Variants in MINK1 observed in about 807,000 individuals in gnomAD.
MINK1 encodes the protein misshapen-like kinase 1.
MINK1 carries 46 observed loss-of-function variants against 178.4 expected under a neutral mutation model. That is an observed-to-expected ratio of 0.26 (90% CI 0.20 to 0.33). The LOEUF (loss-of-function observed/expected upper bound fraction) is 0.33, where lower values mean the gene tolerates loss of function less well. Among genes scored for constraint, MINK1 ranks in the 10% least tolerant of loss-of-function variants. MINK1 has a pLI of 1.00. For synonymous variants in MINK1, 797 were observed against 709.7 expected (o/e 1.12, Z -1.96); for missense variants, 1,366 against 1,814.9 (o/e 0.75, Z 4.49).
At position 4,896,690 on chromosome 17, in the gene MINK1, C is replaced by T. The variant is rs1445575370; in HGVS notation, c.3792C>T (p.Asn1264=). 1.2e-6 allele frequency: 2 copies of T among 1,601,142 alleles called. No individual in the cohort carries two copies. The highest frequency in any genetic ancestry group is 1.3e-5 in the African/African-American group (1 of 74,740). ...TCCCCACAGCCTACATCTGCTCCAA[C>T]CAGATAATGGGCTGGGGTGAGAAAG... ...MPTSVAYICS[N]QIMGWGEKAI... The change falls in exon 31 of 32, where the codon AAC becomes AAT. Residue 1264 remains asparagine (N), a synonymous_variant. Transcript: ENST00000355280. The surrounding 1 kb of genome is among the most constrained non-coding windows in gnomAD (Gnocchi z 4.6).
chr17:4,839,811 T>C (rs1014868466), intron 1 of MINK1, among the ~76,000 whole-genome samples: 5 of 152,114 alleles, frequency 3.3e-5, no homozygotes, highest in African/African-American at 1.2e-4. Context: ...CAGCCTGAGG[T>C]TGTACGTGCT....
intron 1 of MINK1, chr17:4,860,714 T>C: frequency 1.9e-6 from 1 of 519,976 alleles, no homozygotes; most frequent in South Asian, 1.4e-5. Flanking sequence ...AAGCAAGGGC[T>C]CAAGGCTGGT....
chr17:4,891,275 T>C (rs1002825410), intron 15 of MINK1, among the ~76,000 whole-genome samples, 151 bp downstream of exon 15: 6 of 151,970 alleles, frequency 3.9e-5, no homozygotes, highest in Non-Finnish European at 8.8e-5. Flanking sequence ...GTGGACAGAC[T>C]CACTCACCTG....
chr17:4,862,688 A>T (rs1406246597), intron 1 of MINK1, among the ~76,000 whole-genome samples: 1 of 151,756 alleles, frequency 6.6e-6, no homozygotes, highest in Non-Finnish European at 1.5e-5. Context: ...TGGTGTGTGT[A>T]AAACACTTAG....
intron 5 of MINK1, 116 bp from the exon 6 acceptor site, chr17:4,884,796 C>T: frequency 1.1e-6 from 1 of 891,344 alleles, no homozygotes; most frequent in Admixed American, 2.2e-5. Flanking sequence ...AAGGTCTGCT[C>T]CTTCAGCCCA....
intron 12 of MINK1, among the ~76,000 whole-genome samples, chr17:4,889,217 T>G (rs572743054): frequency 6.6e-6 from 1 of 152,294 alleles, no homozygotes; most frequent in Non-Finnish European, 1.5e-5. Flanking sequence ...CAGGTCCCTC[T>G]TTTCTGTGCT....
chr17:4,833,603 C>T lies in MINK1; in HGVS notation c.20C>T (p.Ala7Val), dbSNP rs1204453989. 3.3e-6 allele frequency: 5 copies of T among 1,501,022 alleles called. No individual in the cohort carries two copies. The highest frequency in any genetic ancestry group is 1.5e-5 in the African/African-American group (1 of 68,938). The allele number at this position is 1,501,022 out of a possible 1,614,324, so 93.0% of individuals were successfully genotyped here. A position where few individuals can be genotyped will look rare whatever the true frequency, so the allele number is the denominator to read the frequency against. The change falls in exon 1 of 32, where the codon GCC becomes GTC. Residue 7 changes from alanine (A) to valine (V), a missense_variant. By Grantham distance (64) the Ala-to-Val change is moderately conservative. Transcript: ENST00000355280. This position sits in a 1 kb window ranked among gnomAD's most constrained non-coding sequence, Gnocchi z 4.8. ...GAGGCCATGGGCGACCCAGCCCCCG[C>T]CCGCAGCCTGGACGACATCGACCTG... MGDPAP[A>V]RSLDDIDLSA...
At chr17:4,893,314 G>C in intron 20 of MINK1, 120 bp from the exon 21 acceptor site, 3 of 1,613,950 alleles carry the variant, frequency 1.9e-6, no homozygotes, top group Non-Finnish European at 2.5e-6. Context: ...GGTGAGGTTA[G>C]TGAGATGGGC....
Position 4,887,572 on chromosome 17 carries a change from C to A in MINK1, c.1020-8C>A. 1 of 1,506,492 alleles carries A rather than the reference C, an allele frequency of 6.6e-7. No individual in the cohort carries two copies. Among genetic ancestry groups the A allele is most frequent in the South Asian group, 1.3e-5 (1 of 74,628 alleles). 93.3% of individuals were successfully genotyped at this position (1,506,492 alleles called of 1,614,324 possible). On this transcript the variant is annotated splice_polypyrimidine_tract_variant and splice_region_variant and intron_variant, in intron 11 of 31. Transcript: ENST00000355280. This position sits in a 1 kb window ranked among gnomAD's most constrained non-coding sequence, Gnocchi z 7.6. ...ACCCCAGTGCTTCTTTGTGCCACCC[C>A]TGCCCAGCTCCATCATGAACGTGCC...
chr17:4,833,664 C>A lies in MINK1; in HGVS notation c.57+24C>A. The stretch of plus-strand genomic sequence containing the variant: ...GGGTGAGCGCGCCGTCCCCCAGCCT[C>A]GCCCTGGTTCCTGTCCCCGCCGCAG... On this transcript the variant is annotated intron_variant, in intron 1 of 31. Coordinates refer to ENST00000355280, the MANE Select transcript of MINK1 (RefSeq NM_153827.5). This position sits in a 1 kb window ranked among gnomAD's most constrained non-coding sequence, Gnocchi z 4.8. 6.8e-7 allele frequency: 1 copy of A among 1,480,622 alleles called. No individual in the cohort carries two copies. The highest frequency in any genetic ancestry group is 8.9e-7 in the Non-Finnish European group (1 of 1,120,274). 91.7% of individuals were successfully genotyped at this position (1,480,622 alleles called of 1,614,324 possible).
Position 4,885,667 on chromosome 17 carries a change from G to A in MINK1, c.639+54G>A. On this transcript the variant is annotated intron_variant, in intron 7 of 31. Coordinates refer to ENST00000355280, the MANE Select transcript of MINK1 (RefSeq NM_153827.5). The surrounding 1 kb of genome is among the most constrained non-coding windows in gnomAD (Gnocchi z 5.0). ...GGCTGCCAAGGGCGGGAAGCAATAT[G>A]GGGACCACGGGGCCTGAGCAGGCTG... 6.2e-7 allele frequency: 1 copy of A among 1,606,282 alleles called. No individual in the cohort carries two copies. Among genetic ancestry groups the A allele is most frequent in the South Asian group, 1.1e-5 (1 of 90,408 alleles).
At chr17:4,893,634 C>T in intron 21 of MINK1, 37 bp downstream of exon 21, 1 of 1,505,700 alleles carries the variant, frequency 6.6e-7, no homozygotes. Flanking sequence ...CACTCCAAGG[C>T]ACAGGGAGGG....
chr17:4,856,027 T>C (rs971462218), intron 1 of MINK1, among the ~76,000 whole-genome samples: 1 of 151,318 alleles, frequency 6.6e-6, no homozygotes, highest in South Asian at 2.1e-4. Context: ...CAGTAGGAAA[T>C]TGATGAGGGT....
intron 1 of MINK1, among the ~76,000 whole-genome samples, chr17:4,859,767 G>A (rs909147117): frequency 2.9e-4 from 30 of 104,148 alleles, no homozygotes; most frequent in African/African-American, 1.1e-3. Flanking sequence ...CAGCCTGGGT[G>A]ACAAGAGCGA....
chr17:4,886,775 C>T lies in MINK1; in HGVS notation c.949+149C>T. On this transcript the variant is annotated intron_variant, in intron 10 of 31. Coordinates refer to ENST00000355280, the MANE Select transcript of MINK1 (RefSeq NM_153827.5). This position sits in a 1 kb window ranked among gnomAD's most constrained non-coding sequence, Gnocchi z 6.1. ...AAGGAGATCGTTCTCAAACTTGCAA[C>T]CCCCAAGGGGTTTTCCCTCCTTTCC... 1 of 944,448 alleles carries T rather than the reference C, an allele frequency of 1.1e-6. No homozygotes were observed. The highest frequency in any genetic ancestry group is 3.0e-5 in the Admixed American group (1 of 33,034). The allele number at this position is 944,448 out of a possible 1,614,324, so 58.5% of individuals were successfully genotyped here.
In MINK1 at chr17:4,885,896, C is replaced by T; in HGVS notation, c.640-15C>T. 6.2e-7 allele frequency: 1 copy of T among 1,613,400 alleles called. No homozygotes were observed. The highest frequency in any genetic ancestry group is 8.5e-7 in the Non-Finnish European group (1 of 1,179,456). ...TGTCAGGAATATTCACTTGTTCCTT[C>T]TTTCCCGTCTATAGAGTGATATTTG... On this transcript the variant is annotated splice_polypyrimidine_tract_variant and intron_variant, in intron 7 of 31. Coordinates refer to ENST00000355280, the MANE Select transcript of MINK1 (RefSeq NM_153827.5). The surrounding 1 kb of genome is among the most constrained non-coding windows in gnomAD (Gnocchi z 5.0).
At chr17:4,880,666 G>A (rs1393558692) in intron 2 of MINK1, among the ~76,000 whole-genome samples, 4 of 150,232 alleles carry the variant, frequency 2.7e-5, no homozygotes, top group African/African-American at 7.3e-5. Flanking sequence ...TTGGGAGGCC[G>A]AGGCAGGCGG....
chr17:4,855,045 A>G (rs1301904229), intron 1 of MINK1, among the ~76,000 whole-genome samples: 3 of 152,154 alleles, frequency 2.0e-5, no homozygotes, highest in Admixed American at 1.3e-4. Context: ...CATCTCTACT[A>G]AAAATACAAA....
intron 1 of MINK1, among the ~76,000 whole-genome samples, chr17:4,876,653 T>C (rs1967208490): frequency 6.6e-6 from 1 of 152,118 alleles, no homozygotes; most frequent in Non-Finnish European, 1.5e-5. Context: ...TTTTAGATTA[T>C]ATGCTTTTAG....
Sources: allele counts gnomAD v4.1 joint callset (sites outside exome capture counted in the v4.1 genomes callset), GRCh38; gene constraint gnomAD v4.1.1; non-coding constraint Gnocchi (gnomAD v3.1); transcripts MANE v1.5; gene names NCBI Gene and HGNC (gene_info 2026-07-23, HGNC 2026-07-21).